Variants in PTPRT observed in about 807,000 individuals in gnomAD.
The protein encoded by PTPRT is protein tyrosine phosphatase receptor type T.
In PTPRT, 56 loss-of-function variants were observed where a neutral mutation model predicts 176.8. That is an observed-to-expected ratio of 0.32 (90% CI 0.26 to 0.40). The LOEUF is 0.40. Among genes scored for constraint, PTPRT ranks in the 10% least tolerant of loss-of-function variants. The pLI, the probability that PTPRT is intolerant of heterozygous loss-of-function variation, is 1.00. For missense variants in PTPRT, 1,540 were observed against 1,908.2 expected, an observed-to-expected ratio of 0.81 and a Z score of 3.60; for synonymous variants, 783 against 739.0, an observed-to-expected ratio of 1.06 and a Z score of -0.96.
At chr20:42,140,433 G>A (rs1447307157) in intron 18 of PTPRT, among the ~76,000 whole-genome samples, 1 of 152,138 alleles carries the variant, frequency 6.6e-6, no homozygotes, top group Non-Finnish European at 1.5e-5. Flanking sequence ...TTACTTTGAA[G>A]GCTGTACCTA....
At chr20:42,617,188 T>C (rs1194563361) in intron 7 of PTPRT, among the ~76,000 whole-genome samples, 1 of 136,944 alleles carries the variant, frequency 7.3e-6, no homozygotes. Context: ...CCGCATCTAT[T>C]GAGATAATCA....
At chr20:42,111,405 T>C (rs1401377282) in intron 22 of PTPRT, among the ~76,000 whole-genome samples, 1 of 152,140 alleles carries the variant, frequency 6.6e-6, no homozygotes, top group Non-Finnish European at 1.5e-5. Context: ...AAGCCACAGC[T>C]CCTATCCCTG....
At chr20:42,696,885 G>T (rs1396716746) in intron 6 of PTPRT, among the ~76,000 whole-genome samples, 1 of 152,154 alleles carries the variant, frequency 6.6e-6, no homozygotes, top group African/African-American at 2.4e-5. Flanking sequence ...CCTTCTGAGT[G>T]ACTCCAGCCA....
rs1568674475 is a variant in PTPRT, at chr20:42,908,340, T to C, written c.89-22408A>G. On this transcript the variant is annotated intron_variant, in intron 1 of 30. Coordinates refer to ENST00000373187, the MANE Select transcript of PTPRT (RefSeq NM_007050.6). ...AACACCTTAGGGAGGGAGCATTCTT[T>C]AAGGAAAATAGTACAAACTTAGAAA... is the stretch of plus-strand genomic sequence containing the variant. Among the ~76,000 whole-genome samples, 11 of 152,248 alleles carry C rather than the reference T, an allele frequency of 7.2e-5. No individual in the cohort carries two copies. In the South Asian group the frequency reaches 2.3e-3, roughly 32 times the overall value.
chr20:42,596,508 C>G (rs2073673601), intron 7 of PTPRT, among the ~76,000 whole-genome samples: 1 of 152,142 alleles, frequency 6.6e-6, no homozygotes, highest in African/African-American at 2.4e-5. Context: ...TCACCAAATA[C>G]CATAAACAAT....
chr20:42,644,617 C>T (rs1305832529), intron 7 of PTPRT, among the ~76,000 whole-genome samples: 1 of 152,072 alleles, frequency 6.6e-6, no homozygotes, highest in Non-Finnish European at 1.5e-5. Context: ...CCTGGGTCTT[C>T]CTCATCTCTG....
chr20:42,911,566 G>C (rs1298819262), intron 1 of PTPRT, among the ~76,000 whole-genome samples: 1 of 152,016 alleles, frequency 6.6e-6, no homozygotes, highest in Admixed American at 6.6e-5. Flanking sequence ...ACATTATCTA[G>C]GGGCATCCTC....
chr20:42,876,152 T>A (rs900358846), intron 2 of PTPRT, among the ~76,000 whole-genome samples: 1 of 152,138 alleles, frequency 6.6e-6, no homozygotes, highest in African/African-American at 2.4e-5. Flanking sequence ...AACTTATATG[T>A]TCAAACTCAG....
chr20:43,068,602 G>A (rs750258548), intron 1 of PTPRT, among the ~76,000 whole-genome samples: 2 of 151,848 alleles, frequency 1.3e-5, no homozygotes, highest in African/African-American at 2.4e-5. Flanking sequence ...TATAACAACA[G>A]GGAGTTATCA....
intron 1 of PTPRT, among the ~76,000 whole-genome samples, chr20:42,999,585 G>A (rs1427076769): frequency 2.0e-5 from 3 of 149,488 alleles, no homozygotes; most frequent in Non-Finnish European, 4.5e-5. Context: ...GTGAGACCCA[G>A]TCTCTAAAAA....
At chr20:42,659,903 G>C (rs2075193431) in intron 7 of PTPRT, among the ~76,000 whole-genome samples, 1 of 152,178 alleles carries the variant, frequency 6.6e-6, no homozygotes. Flanking sequence ...ACAGCACATA[G>C]AAACCTTCTG....
intron 6 of PTPRT, among the ~76,000 whole-genome samples, chr20:42,737,112 C>T (rs1054263414): frequency 1.3e-5 from 2 of 152,074 alleles, no homozygotes; most frequent in Non-Finnish European, 2.9e-5. Context: ...GAGAATGTGG[C>T]CTTATTTGGA....
chr20:42,654,106 A>T (rs1049654563), intron 7 of PTPRT, among the ~76,000 whole-genome samples: 1 of 152,126 alleles, frequency 6.6e-6, no homozygotes, highest in African/African-American at 2.4e-5. Flanking sequence ...AAAGGTAGTG[A>T]CAACACTCCC....
chr20:42,854,047 G>C (rs1379384439), intron 2 of PTPRT, among the ~76,000 whole-genome samples: 1 of 152,148 alleles, frequency 6.6e-6, no homozygotes, highest in Non-Finnish European at 1.5e-5. Flanking sequence ...CAAATCATTG[G>C]AGTAGAACTG....
chr20:42,575,636 C>G (rs1191130733), intron 7 of PTPRT, among the ~76,000 whole-genome samples: 2 of 152,282 alleles, frequency 1.3e-5, no homozygotes, highest in Admixed American at 1.3e-4. Context: ...TTGGAACATT[C>G]ACCCTACTCA....
chr20:42,694,040 CTTTTTT>C (rs56156122), intron 6 of PTPRT, among the ~76,000 whole-genome samples: 5 of 138,440 alleles, frequency 3.6e-5, no homozygotes, highest in African/African-American at 1.1e-4. Flanking sequence ...ATTTTATTTT[CTTTTTT>C]TTTTTTTTTT....
At chr20:42,276,350 G>T (rs756640552) in intron 13 of PTPRT, among the ~76,000 whole-genome samples, 8 of 150,268 alleles carry the variant, frequency 5.3e-5, no homozygotes, top group African/African-American at 1.7e-4. Flanking sequence ...TTTGACAAAC[G>T]GCTGATTTGT....
chr20:42,587,429 T>C (rs2073491068), intron 7 of PTPRT, among the ~76,000 whole-genome samples: 1 of 152,204 alleles, frequency 6.6e-6, no homozygotes, highest in Non-Finnish European at 1.5e-5. Flanking sequence ...AACTCATATC[T>C]TGACCCAAGG....
chr20:42,236,871 C>T (rs75024053), intron 14 of PTPRT, among the ~76,000 whole-genome samples: 4,886 of 152,218 alleles, frequency 0.032, 296 homozygotes, highest in African/African-American at 0.11. Flanking sequence ...TGCCCTCCCA[C>T]AGAGTCAGGA....
Sources: allele counts gnomAD v4.1 joint callset (sites outside exome capture counted in the v4.1 genomes callset), GRCh38; gene constraint gnomAD v4.1.1; transcripts MANE v1.5; gene names NCBI Gene and HGNC (gene_info 2026-07-23, HGNC 2026-07-21).